PAXBP1: variants seen among roughly 807,000 people sequenced by gnomAD.
PAXBP1 encodes PAX3- and PAX7-binding protein 1.
A neutral mutation model predicts 119.9 loss-of-function variants in PAXBP1; 44 were observed. That is an observed-to-expected ratio of 0.37 (90% CI 0.29 to 0.47). The LOEUF (loss-of-function observed/expected upper bound fraction) is 0.47. PAXBP1 is among the 20% of genes least tolerant of loss of function. PAXBP1 has a pLI of 0.99. For synonymous variants in PAXBP1, 393 were observed against 406.6 expected (o/e 0.97, Z 0.40); for missense variants, 898 against 1,134.1 (o/e 0.79, Z 2.99).
At chr21:32,755,126 TTAA>T in intron 8 of PAXBP1, 101 bp downstream of exon 8, 19 of 1,049,708 alleles carry the variant, frequency 1.8e-5, no homozygotes, top group African/African-American at 1.2e-4. Flanking sequence ...AATTGTTTCT[TTAA>T]AAAAAAAAAA....
At chr21:32,735,284 C>T (rs1366030393) in intron 17 of PAXBP1, among the ~76,000 whole-genome samples, 2 of 151,712 alleles carry the variant, frequency 1.3e-5, no homozygotes, top group Non-Finnish European at 2.9e-5. Context: ...AATGACTAGC[C>T]CAGAGACAGG....
chr21:32,741,571 C>CT lies in PAXBP1; in HGVS notation c.2334+1676dup, dbSNP rs531037686. On this transcript the variant is annotated intron_variant, in intron 15 of 17. Transcript: ENST00000331923. ...CTTCTTGGCCTCTCTGAGCAGCATT[C>CT]TTTCCTTCTGGGTATGGGGCAGGAC... 1,469 of 773,218 alleles carry CT rather than the reference C, an allele frequency of 1.9e-3. 3 individuals are homozygous for CT. Among genetic ancestry groups the CT allele is most frequent in the Non-Finnish European group, 2.8e-3 (1,173 of 417,252 alleles). The allele number at this position is 773,218 out of a possible 1,614,324, so 47.9% of individuals were successfully genotyped here.
At chr21:32,743,574 A>G (rs771158158) in intron 14 of PAXBP1, 104 bp downstream of exon 14, 53 of 873,670 alleles carry the variant, frequency 6.1e-5, no homozygotes, top group Non-Finnish European at 9.6e-5. Flanking sequence ...GTAATACACT[A>G]CATGGGTGAA....
At chr21:32,746,205 G>A (rs2043869184) in intron 11 of PAXBP1, among the ~76,000 whole-genome samples, 2 of 152,238 alleles carry the variant, frequency 1.3e-5, no homozygotes, top group Admixed American at 1.3e-4. Context: ...ACATCGGCAT[G>A]GGCAAAGATT....
rs779164556 is a variant in PAXBP1 at position 32,745,613 on chromosome 21, G to C, written c.2029C>G (p.Pro677Ala). 1.9e-6 allele frequency: 3 copies of C among 1,613,880 alleles called. No homozygotes were observed. The highest frequency in any genetic ancestry group is 2.5e-6 in the Non-Finnish European group (3 of 1,179,898). The change falls in exon 12 of 18, where the codon CCT (proline) becomes GCT (alanine). Residue 677 changes from proline to alanine, a missense_variant. Coordinates refer to ENST00000331923, the MANE Select transcript of PAXBP1 (RefSeq NM_016631.4). ...AGAATCACCTTTTCCACAATGGTAG[G>C]TAGTAGGGCAACATCTACATCATCT... ...EKDDVDVALLPTIVEKVILPK... is the reference protein window; with the variant it reads ...EKDDVDVALLATIVEKVILPK...
chr21:32,760,057 C>T (rs2044113920), intron 5 of PAXBP1, 63 bp from the exon 6 acceptor site: 5 of 1,319,200 alleles, frequency 3.8e-6, no homozygotes, highest in Non-Finnish European at 5.2e-6. Flanking sequence ...AATAATATGC[C>T]TTTAGGGTTA....
chr21:32,753,936 C>T (rs1304524736), intron 8 of PAXBP1, among the ~76,000 whole-genome samples: 6 of 152,152 alleles, frequency 3.9e-5, no homozygotes, highest in Non-Finnish European at 1.5e-5. Context: ...TAATGGTTAC[C>T]TGTAATCTGC....
chr21:32,763,994 C>CAAAA (rs5843566), intron 3 of PAXBP1, among the ~76,000 whole-genome samples: 1 of 101,726 alleles, frequency 9.8e-6, no homozygotes, highest in African/African-American at 3.5e-5. Flanking sequence ...CCTCAAAAAG[C>CAAAA]AAAAAAAAAA....
At chr21:32,756,435 T>C (rs1379163348) in intron 7 of PAXBP1, 2 of 492,382 alleles carry the variant, frequency 4.1e-6, no homozygotes, top group Non-Finnish European at 4.0e-6. Context: ...CAATTTTATA[T>C]ACTTGCATGA....
chr21:32,739,539 T>C (rs1160932883), intron 15 of PAXBP1, among the ~76,000 whole-genome samples: 5 of 152,176 alleles, frequency 3.3e-5, no homozygotes, highest in African/African-American at 1.2e-4. Context: ...ATTTTCACTA[T>C]CACTATCCAT....
At chr21:32,770,074 TA>T in intron 1 of PAXBP1, 132 bp from the exon 2 acceptor site, 1 of 645,142 alleles carries the variant, frequency 1.6e-6, no homozygotes, top group African/African-American at 1.9e-5. Context: ...ATTGTATAAT[TA>T]TTTCAAGTCT....
intron 5 of PAXBP1, among the ~76,000 whole-genome samples, chr21:32,760,637 G>A (rs2044124155): frequency 6.6e-6 from 1 of 152,118 alleles, no homozygotes; most frequent in African/African-American, 2.4e-5. Flanking sequence ...AAACTTTAGT[G>A]TGCATCAGAA....
At chr21:32,766,985 C>A (rs1180875475) in intron 2 of PAXBP1, among the ~76,000 whole-genome samples, 3 of 152,098 alleles carry the variant, frequency 2.0e-5, no homozygotes, top group Admixed American at 2.0e-4. Flanking sequence ...TTTGGTAAAT[C>A]CCTTCCTCTA....
intron 15 of PAXBP1, 41 bp from the exon 16 acceptor site, chr21:32,738,360 A>T (rs2043723833): frequency 1.3e-6 from 2 of 1,504,996 alleles, no homozygotes; most frequent in Non-Finnish European, 9.0e-7. Flanking sequence ...AAACAATTAG[A>T]TTAGGTACAA....
Position 32,751,159 on chromosome 21 carries a change from C to T in PAXBP1, c.1567G>A (p.Glu523Lys), listed in dbSNP as rs1569159924. ...TCTGCAATGCGACGTTTTGCATGCTCTTGATACAGTGCCCGATCGCGTCCA... is the reference window on the plus strand; with the variant it reads ...TCTGCAATGCGACGTTTTGCATGCTTTTGATACAGTGCCCGATCGCGTCCA... ...SFGRDRALYQ[E>K]HAKRRIAERE... The change falls in exon 9 of 18, where the codon GAG becomes AAG. Residue 523 changes from glutamate (E) to lysine (K), a missense_variant. Glu to Lys is a moderately conservative substitution (Grantham distance 56, BLOSUM62 1). This residue lies in a region of PAXBP1 where 599 missense variants were observed against 852.7 expected (regional missense o/e 0.70). Transcript: ENST00000331923. The T allele has an allele frequency of 1.2e-6, 2 of 1,614,152 alleles. No homozygotes were observed. Among genetic ancestry groups the T allele is most frequent in the South Asian group, 2.2e-5 (2 of 91,084 alleles).
Position 32,771,713 on chromosome 21 carries a change from G to T in PAXBP1, c.-45C>A, listed in dbSNP as rs1206532791. On this transcript the variant is annotated 5_prime_UTR_variant, in exon 1 of 18. Transcript: ENST00000331923. ...GTCGAATACTCGCTTCCACACCGCGGCCCCGGCAGCGCCGAGCTCGTGACG... is the reference window on the plus strand; with the variant it reads ...GTCGAATACTCGCTTCCACACCGCGTCCCCGGCAGCGCCGAGCTCGTGACG... 6 of 1,336,868 alleles carry T rather than the reference G, an allele frequency of 4.5e-6. No individual in the cohort carries two copies. In the African/African-American group the frequency reaches 4.6e-5, roughly 10 times the overall value. 82.8% of individuals were successfully genotyped at this position (1,336,868 alleles called of 1,614,324 possible). A position where few individuals can be genotyped will look rare whatever the true frequency, so the allele number is the denominator to read the frequency against.
chr21:32,734,892 A>G lies in PAXBP1; in HGVS notation c.*58T>C, dbSNP rs937533424. 1.5e-6 allele frequency: 2 copies of G among 1,295,456 alleles called. No individual in the cohort carries two copies. The highest frequency in any genetic ancestry group is 2.9e-5 in the African/African-American group (2 of 68,284). 80.2% of individuals were successfully genotyped at this position (1,295,456 alleles called of 1,614,324 possible). ...ACAGTTTAAGAAACTTTACATATAT[A>G]CAAAATTTACACATTGGGAATGGTA... On this transcript the variant is annotated 3_prime_UTR_variant, in exon 18 of 18. Coordinates refer to ENST00000331923, the MANE Select transcript of PAXBP1 (RefSeq NM_016631.4).
At chr21:32,765,617 C>T (rs1366518652) in intron 2 of PAXBP1, among the ~76,000 whole-genome samples, 1 of 152,178 alleles carries the variant, frequency 6.6e-6, no homozygotes, top group African/African-American at 2.4e-5. Flanking sequence ...ATACTGTACT[C>T]CCTTAAGTAA....
chr21:32,770,257 C>G (rs2044314427), intron 1 of PAXBP1, among the ~76,000 whole-genome samples: 1 of 151,916 alleles, frequency 6.6e-6, no homozygotes, highest in East Asian at 1.9e-4. Flanking sequence ...TCTGAAAAAC[C>G]ACATCACCAA....
Sources: gnomAD v4.1 joint callset for allele counts (sites outside exome capture counted in the v4.1 genomes callset) on GRCh38, gnomAD v4.1.1 for gene constraint, gnomAD v4.1.1 regional missense constraint, MANE v1.5 for transcripts, NCBI Gene and HGNC (gene_info 2026-07-23, HGNC 2026-07-21) for gene names.